CABIN1: variants seen among roughly 807,000 people sequenced by gnomAD.
CABIN1 encodes the protein calcineurin-binding protein cabin-1.
CABIN1 carries 133 observed loss-of-function variants against 227.7 expected under a neutral mutation model. The ratio of observed to expected loss-of-function variants is 0.58; its 90% CI spans 0.51 to 0.67. The LOEUF is 0.67. Among genes scored for constraint, CABIN1 ranks in the 30% least tolerant of loss-of-function variants. The pLI is 0.00. For missense variants in CABIN1, 2,408 were observed against 2,852.5 expected, an observed-to-expected ratio of 0.84 and a Z score of 3.55; for synonymous variants, 1,086 against 1,155.1, an observed-to-expected ratio of 0.94 and a Z score of 1.21.
chr22:24,073,699 C>T (rs1226150183), intron 18 of CABIN1, among the ~76,000 whole-genome samples: 1 of 152,002 alleles, frequency 6.6e-6, no homozygotes, highest in Non-Finnish European at 1.5e-5. Context: ...TTGAGTTGAG[C>T]CCTGAAGGAA....
chr22:24,092,362 G>A (rs2041603113), intron 24 of CABIN1, among the ~76,000 whole-genome samples: 1 of 152,114 alleles, frequency 6.6e-6, no homozygotes, highest in Admixed American at 6.5e-5. Flanking sequence ...TTTACTCCCT[G>A]GATTTTCTCT....
At chr22:24,167,362 C>T (rs1198271272) in intron 32 of CABIN1, 49 bp downstream of exon 32, 1 of 1,562,350 alleles carries the variant, frequency 6.4e-7, no homozygotes, top group African/African-American at 1.3e-5. Context: ...GGCAGCATCC[C>T]CACTCTTGCC....
intron 26 of CABIN1, among the ~76,000 whole-genome samples, chr22:24,101,049 G>A (rs373230933): frequency 4.6e-5 from 7 of 152,298 alleles, no homozygotes; most frequent in African/African-American, 1.7e-4. Context: ...TGGAGGTAGT[G>A]TCCTCTGAAG....
At chr22:24,093,216 G>A (rs2041665903) in intron 24 of CABIN1, among the ~76,000 whole-genome samples, 1 of 152,176 alleles carries the variant, frequency 6.6e-6, no homozygotes, top group African/African-American at 2.4e-5. Context: ...TATTGATGAG[G>A]TTCTCTTTTT....
chr22:24,159,462 G>A (rs748021802), intron 29 of CABIN1, among the ~76,000 whole-genome samples: 2 of 152,206 alleles, frequency 1.3e-5, no homozygotes, highest in African/African-American at 2.4e-5. Flanking sequence ...CTGCCCAGCT[G>A]CCTGCTTGCT....
intron 1 of CABIN1, among the ~76,000 whole-genome samples, chr22:24,012,683 T>C (rs1247735019): frequency 6.6e-6 from 1 of 152,232 alleles, no homozygotes; most frequent in Non-Finnish European, 1.5e-5. Context: ...GTGAATGTGC[T>C]GCTATCTGAG....
chr22:24,038,492 G>C (rs377454570), intron 4 of CABIN1, 31 bp downstream of exon 4: 1 of 1,473,642 alleles, frequency 6.8e-7, no homozygotes, highest in South Asian at 1.1e-5. Context: ...GCAGTGTGCC[G>C]TGGTGGTTAG....
chr22:24,147,280 C>T (rs1327322527), intron 29 of CABIN1, among the ~76,000 whole-genome samples: 6 of 124,876 alleles, frequency 4.8e-5, no homozygotes, highest in Admixed American at 4.7e-4. Context: ...TGCCTCCCTC[C>T]CTCCCTCCCT....
Position 24,125,138 on chromosome 22 carries a change from A to G in CABIN1, c.4632+5440A>G, listed in dbSNP as rs143450134. On this transcript the variant is annotated intron_variant, in intron 28 of 36. Transcript: ENST00000263119. Reference sequence around the variant, plus strand: ...TGAGGAGTAGCAGCCTGGCAGCGCTAGCCCAATCAGACCCCATTTCTTTGG... The same window carrying G: ...TGAGGAGTAGCAGCCTGGCAGCGCTGGCCCAATCAGACCCCATTTCTTTGG... Among the ~76,000 whole-genome samples, 128 of 152,304 alleles carry G rather than the reference A, an allele frequency of 8.4e-4. 1 individual carries two copies. The highest frequency in any genetic ancestry group is 2.9e-3 in the African/African-American group (121 of 41,566).
At chr22:24,104,806 C>T (rs899790096) in intron 26 of CABIN1, among the ~76,000 whole-genome samples, 2 of 152,200 alleles carry the variant, frequency 1.3e-5, no homozygotes, top group African/African-American at 4.8e-5. Flanking sequence ...ACTAATTCCA[C>T]CCAAGTTTAC....
intron 1 of CABIN1, among the ~76,000 whole-genome samples, chr22:24,012,186 A>G (rs1028855934): frequency 1.3e-5 from 2 of 152,156 alleles, no homozygotes; most frequent in African/African-American, 4.8e-5. Flanking sequence ...TACTCTGTCT[A>G]CTTAACTGTA....
At chr22:24,025,455 A>C (rs1218912502) in intron 1 of CABIN1, among the ~76,000 whole-genome samples, 2 of 152,184 alleles carry the variant, frequency 1.3e-5, no homozygotes, top group East Asian at 3.8e-4. Context: ...GATCTGCCAG[A>C]CCAACCAAAG....
At chr22:24,048,602 G>A (rs933954406) in intron 6 of CABIN1, among the ~76,000 whole-genome samples, 1 of 152,122 alleles carries the variant, frequency 6.6e-6, no homozygotes, top group Non-Finnish European at 1.5e-5. Context: ...TGTATTTTTT[G>A]TAGAGATGGG....
chr22:24,163,614 C>G (rs1308353942), intron 29 of CABIN1, among the ~76,000 whole-genome samples: 2 of 152,188 alleles, frequency 1.3e-5, no homozygotes, highest in Non-Finnish European at 2.9e-5. Flanking sequence ...TGAGGTCCCA[C>G]CCCAGAGATG....
chr22:24,027,465 A>T (rs1190526194), intron 1 of CABIN1, among the ~76,000 whole-genome samples: 1 of 152,176 alleles, frequency 6.6e-6, no homozygotes, highest in East Asian at 1.9e-4. Flanking sequence ...TCTTGGAGGG[A>T]AATTAAGTAT....
At chr22:24,175,807 A>C in intron 34 of CABIN1, 4 of 502,358 alleles carry the variant, frequency 8.0e-6, no homozygotes, top group Non-Finnish European at 1.1e-5. Context: ...TTGTGATGGG[A>C]TCTTAAGAGA....
At chr22:24,112,557 C>CTT (rs2042866496) in intron 26 of CABIN1, among the ~76,000 whole-genome samples, 1 of 152,142 alleles carries the variant, frequency 6.6e-6, no homozygotes, top group Non-Finnish European at 1.5e-5. Context: ...GACTCCCTTG[C>CTT]TTGTTACTCA....
chr22:24,092,070 C>A, intron 24 of CABIN1: 1 of 610,254 alleles, frequency 1.6e-6, no homozygotes, highest in Non-Finnish European at 2.9e-6. Flanking sequence ...TCTTATCTCT[C>A]AGAAGAAAAT....
intron 26 of CABIN1, among the ~76,000 whole-genome samples, chr22:24,108,092 C>T (rs941080294): frequency 5.9e-4 from 90 of 152,206 alleles, no homozygotes; most frequent in African/African-American, 2.1e-3. Context: ...GCACTAGCCA[C>T]GCCTTTGTGG....
Sources: gnomAD v4.1 joint callset for allele counts (sites outside exome capture counted in the v4.1 genomes callset) on GRCh38, gnomAD v4.1.1 for gene constraint, MANE v1.5 for transcripts, NCBI Gene and HGNC (gene_info 2026-07-23, HGNC 2026-07-21) for gene names.